Variants in LONP2 observed in about 807,000 individuals in gnomAD.
LONP2 encodes lon protease homolog 2, peroxisomal.
LONP2 carries 60 observed loss-of-function variants against 85.6 expected under a neutral mutation model. The observed-to-expected ratio is 0.70, with a 90% CI of 0.57 to 0.87. The LOEUF (loss-of-function observed/expected upper bound fraction) is 0.87, where lower values mean the gene tolerates loss of function less well. LONP2 is among the 40% of genes least tolerant of loss of function. The pLI, the probability that LONP2 is intolerant of heterozygous loss-of-function variation, is 0.00. For synonymous variants in LONP2, 395 were observed against 389.7 expected (o/e 1.01, Z -0.16); for missense variants, 860 against 1,063.5 (o/e 0.81, Z 2.66).
chr16:48,287,786 C>T (rs1438471509), intron 8 of LONP2, among the ~76,000 whole-genome samples: 63 of 152,190 alleles, frequency 4.1e-4, no homozygotes, highest in Admixed American at 4.1e-3. Flanking sequence ...ATAAGCACTC[C>T]TCAAATTGTT....
At chr16:48,283,102 C>T (rs1972365367) in intron 8 of LONP2, among the ~76,000 whole-genome samples, 1 of 152,150 alleles carries the variant, frequency 6.6e-6, no homozygotes, top group Non-Finnish European at 1.5e-5. Flanking sequence ...CTCTTCAGTT[C>T]TATGAAAGCT....
intron 12 of LONP2, chr16:48,334,677 T>G: frequency 1.7e-6 from 1 of 580,854 alleles, no homozygotes; most frequent in Non-Finnish European, 3.3e-6. Flanking sequence ...TTCTGGATGT[T>G]GTAGTCTAAG....
intron 8 of LONP2, among the ~76,000 whole-genome samples, chr16:48,280,216 T>G (rs764820096): frequency 3.3e-5 from 5 of 152,204 alleles, no homozygotes; most frequent in Non-Finnish European, 7.4e-5. Flanking sequence ...TCTTTAGACT[T>G]TCAGTTTAAT....
intron 11 of LONP2, among the ~76,000 whole-genome samples, chr16:48,329,105 C>A (rs1343986715): frequency 6.6e-6 from 1 of 152,112 alleles, no homozygotes; most frequent in East Asian, 1.9e-4. Context: ...GGGCATAACT[C>A]TTTTACCATT....
At chr16:48,281,200 T>C (rs887766585) in intron 8 of LONP2, among the ~76,000 whole-genome samples, 21 of 152,192 alleles carry the variant, frequency 1.4e-4, no homozygotes, top group African/African-American at 5.1e-4. Context: ...CTAGAGTGCT[T>C]ACTCTGAATA....
In LONP2 at chr16:48,248,190, C is replaced by G. The variant is rs1156940707; in HGVS notation, c.233+3569C>G. ...CCATGCTGGTGCAGTGGTGCCATCT[C>G]AGCTCACTGCAACCTTTGCCTCCCA... On this transcript the variant is annotated intron_variant, in intron 1 of 14. Transcript: ENST00000285737. Among the ~76,000 whole-genome samples, 3 of 152,182 alleles carry G rather than the reference C, an allele frequency of 2.0e-5. No individual in the cohort carries two copies. The East Asian group carries it at 5.8e-4, about 29-fold the overall frequency.
chr16:48,288,150 C>CTTTTTT (rs1170612024), intron 8 of LONP2, among the ~76,000 whole-genome samples: 85 of 121,508 alleles, frequency 7.0e-4, no homozygotes, highest in African/African-American at 8.8e-4. Flanking sequence ...TAGTCTTCTT[C>CTTTTTT]TTTTTTTTTT....
In LONP2 at chr16:48,355,233, C is replaced by T. The variant is rs1005237810; in HGVS notation, c.*3431C>T. 14 of 152,032 alleles carry T rather than the reference C, an allele frequency of 9.2e-5. No homozygotes were observed. The highest frequency in any genetic ancestry group is 1.9e-4 in the Non-Finnish European group (13 of 68,012). 9.4% of individuals were successfully genotyped at this position (152,032 alleles called of 1,614,324 possible). ...CACCAAATTCGTATGTTGAAGCAAC[C>T]ACCAACGTGATAGGTGAGGCTTTAG... On this transcript the variant is annotated 3_prime_UTR_variant, in exon 15 of 15. Coordinates refer to ENST00000285737, the MANE Select transcript of LONP2 (RefSeq NM_031490.5).
At chr16:48,279,528 G>A (rs74016389) in intron 8 of LONP2, among the ~76,000 whole-genome samples, 1,857 of 152,138 alleles carry the variant, frequency 0.012, 40 homozygotes, top group African/African-American at 0.042. Flanking sequence ...CAGCATCCGT[G>A]TATATGCATT....
At chr16:48,291,311 C>T (rs748302326) in intron 8 of LONP2, among the ~76,000 whole-genome samples, 13 of 152,228 alleles carry the variant, frequency 8.5e-5, no homozygotes, top group East Asian at 3.9e-4. Context: ...CAGTAGCTAT[C>T]GACAAAAGAT....
intron 11 of LONP2, among the ~76,000 whole-genome samples, chr16:48,325,296 C>CTGG (rs985392003): frequency 6.6e-6 from 1 of 152,210 alleles, no homozygotes; most frequent in Non-Finnish European, 1.5e-5. Flanking sequence ...AGGCCATGGA[C>CTGG]TGGTACTGAC....
downstream of LONP2, among the ~76,000 whole-genome samples, chr16:48,360,067 A>AT (rs1302943232): frequency 6.6e-6 from 1 of 152,236 alleles, no homozygotes; most frequent in Non-Finnish European, 1.5e-5. Flanking sequence ...TTCAGGTAAC[A>AT]TACCTGTACC....
At chr16:48,311,928 C>T (rs1448044289) in intron 11 of LONP2, among the ~76,000 whole-genome samples, 2 of 151,468 alleles carry the variant, frequency 1.3e-5, no homozygotes. Flanking sequence ...TGTGCCCTGC[C>T]CCTGACAGCT....
chr16:48,259,531 T>C (rs1259872574), intron 4 of LONP2, among the ~76,000 whole-genome samples: 1 of 152,202 alleles, frequency 6.6e-6, no homozygotes, highest in Non-Finnish European at 1.5e-5. Flanking sequence ...TCTGAAGGTG[T>C]TGAGATGCAG....
chr16:48,359,663 C>A (rs1960501601), downstream of LONP2, among the ~76,000 whole-genome samples: 1 of 151,998 alleles, frequency 6.6e-6, no homozygotes, highest in Non-Finnish European at 1.5e-5. Context: ...TTGCAGTGAG[C>A]CGAGATCACG....
In LONP2 at chr16:48,348,115, ATCT is replaced by A; in HGVS notation, c.2167_2169del (p.Leu723del). 3 of 1,601,188 alleles carry A rather than the reference ATCT, an allele frequency of 1.9e-6. No individual in the cohort carries two copies. The highest frequency in any genetic ancestry group is 2.7e-5 in the African/African-American group (2 of 74,248). ...CTTTTTAAAGCTTTTGGAAGTTTTGATCTTCTTGACAACACAGACATCCATCTG... is the reference window on the plus strand; with the variant it reads ...CTTTTTAAAGCTTTTGGAAGTTTTGATCTTGACAACACAGACATCCATCTG... On this transcript the variant is annotated inframe_deletion, in exon 14 of 15. Coordinates refer to ENST00000285737, the MANE Select transcript of LONP2 (RefSeq NM_031490.5).
chr16:48,314,116 G>C (rs1177044069), intron 11 of LONP2, among the ~76,000 whole-genome samples: 1 of 150,994 alleles, frequency 6.6e-6, no homozygotes, highest in African/African-American at 2.4e-5. Context: ...TTTGAGAAGT[G>C]TCTGTTCATG....
chr16:48,349,669 G>A (rs1274950666), intron 14 of LONP2, among the ~76,000 whole-genome samples: 2 of 152,196 alleles, frequency 1.3e-5, no homozygotes, highest in African/African-American at 4.8e-5. Context: ...CAGAGGACAA[G>A]ACGGGGCTTT....
intron 8 of LONP2, among the ~76,000 whole-genome samples, chr16:48,282,820 A>ATC (rs58631997): frequency 0.012 from 1,863 of 152,322 alleles, 40 homozygotes; most frequent in African/African-American, 0.042. Flanking sequence ...AGAGTCACAC[A>ATC]TCTCATTGTA....
Sources: allele counts gnomAD v4.1 joint callset (sites outside exome capture counted in the v4.1 genomes callset), GRCh38; gene constraint gnomAD v4.1.1; transcripts MANE v1.5; gene names NCBI Gene and HGNC (gene_info 2026-07-23, HGNC 2026-07-21).